The following MACROD2 variants were observed in gnomAD, a reference collection of about 807,000 sequenced individuals.
The protein encoded by MACROD2 is ADP-ribose glycohydrolase MACROD2.
MACROD2 carries 36 observed loss-of-function variants against 70.4 expected under a neutral mutation model. That is an observed-to-expected ratio of 0.51 (90% CI 0.39 to 0.68). The LOEUF is 0.68. Ranked by LOEUF, MACROD2 falls within the 30% of genes least tolerant of loss-of-function variation. The pLI is 0.00. For synonymous variants in MACROD2, 172 were observed against 178.8 expected (o/e 0.96, Z 0.30); for missense variants, 496 against 538.4 (o/e 0.92, Z 0.78).
chr20:15,717,116 C>T (rs189582331), intron 8 of MACROD2, among the ~76,000 whole-genome samples: 211 of 152,288 alleles, frequency 1.4e-3, no homozygotes, highest in African/African-American at 4.0e-3. Flanking sequence ...TTGTTTGTTA[C>T]ATCCCTTTAG....
intron 3 of MACROD2, among the ~76,000 whole-genome samples, chr20:14,308,455 G>A (rs373486787): frequency 2.3e-4 from 35 of 152,090 alleles, no homozygotes; most frequent in African/African-American, 8.0e-4. Context: ...CTGTGAGGGT[G>A]TTATTATTTT....
At chr20:14,960,681 G>A (rs184684583) in intron 5 of MACROD2, among the ~76,000 whole-genome samples, 18 of 152,152 alleles carry the variant, frequency 1.2e-4, no homozygotes, top group Admixed American at 1.0e-3. Flanking sequence ...CGAATTCAGG[G>A]GAAGAACAGG....
chr20:14,914,312 CTA>C (rs1457910319), intron 5 of MACROD2, among the ~76,000 whole-genome samples: 3 of 152,114 alleles, frequency 2.0e-5, no homozygotes, highest in African/African-American at 7.2e-5. Context: ...TGCTCACAGT[CTA>C]TGTCAATGAG....
At chr20:15,432,557 C>A (rs1444139471) in intron 7 of MACROD2, among the ~76,000 whole-genome samples, 2 of 152,004 alleles carry the variant, frequency 1.3e-5, no homozygotes, top group Admixed American at 1.3e-4. Context: ...CAATAACAAA[C>A]CTTAAATATT....
intron 9 of MACROD2, among the ~76,000 whole-genome samples, chr20:15,879,308 T>A (rs1393414877): frequency 6.6e-6 from 1 of 152,142 alleles, no homozygotes; most frequent in Non-Finnish European, 1.5e-5. Flanking sequence ...CATGACTCCC[T>A]ACTTCCATAG....
At chr20:15,550,594 A>C (rs2048082405) in intron 8 of MACROD2, among the ~76,000 whole-genome samples, 1 of 152,152 alleles carries the variant, frequency 6.6e-6, no homozygotes, top group Admixed American at 6.5e-5. Context: ...AGCAATCAAG[A>C]AGTGACACTC....
At chr20:15,348,843 C>A (rs2078195910) in intron 6 of MACROD2, among the ~76,000 whole-genome samples, 2 of 151,994 alleles carry the variant, frequency 1.3e-5, no homozygotes, top group Admixed American at 6.6e-5. Flanking sequence ...ATGGGAGCTA[C>A]AATTCAAGAT....
At chr20:14,671,091 A>G (rs981589717) in intron 4 of MACROD2, among the ~76,000 whole-genome samples, 4 of 152,186 alleles carry the variant, frequency 2.6e-5, no homozygotes, top group Admixed American at 2.0e-4. Flanking sequence ...TAAATTGGGC[A>G]TATAGCCTGC....
chr20:15,541,974 A>G (rs2047963105), intron 8 of MACROD2, among the ~76,000 whole-genome samples: 1 of 152,224 alleles, frequency 6.6e-6, no homozygotes, highest in African/African-American at 2.4e-5. Context: ...CTGTTCTTCC[A>G]GTGGTATGGG....
intron 8 of MACROD2, among the ~76,000 whole-genome samples, chr20:15,663,583 T>C (rs1342788829): frequency 6.6e-6 from 1 of 150,862 alleles, no homozygotes; most frequent in East Asian, 1.9e-4. Flanking sequence ...TTTCAAAACT[T>C]AAAACAATTA....
At chr20:14,305,180 T>A (rs553982691) in intron 3 of MACROD2, among the ~76,000 whole-genome samples, 50 of 152,242 alleles carry the variant, frequency 3.3e-4, no homozygotes, top group African/African-American at 1.2e-3. Context: ...GGTTTTAAGC[T>A]CAAATGATCA....
chr20:14,467,695 G>C (rs998939634), intron 3 of MACROD2, among the ~76,000 whole-genome samples: 2 of 152,090 alleles, frequency 1.3e-5, no homozygotes. Context: ...TCTTTTAATA[G>C]TGATGTTAGG....
At chr20:14,788,603 CTT>C (rs1464626543) in intron 5 of MACROD2, among the ~76,000 whole-genome samples, 2 of 140,166 alleles carry the variant, frequency 1.4e-5, no homozygotes, top group African/African-American at 2.6e-5. Context: ...AAAAAAAAGA[CTT>C]TTAGGAAAGA....
At chr20:15,122,973 G>A (rs2076041499) in intron 5 of MACROD2, among the ~76,000 whole-genome samples, 1 of 152,160 alleles carries the variant, frequency 6.6e-6, no homozygotes, top group Non-Finnish European at 1.5e-5. Flanking sequence ...TGTTTATGGT[G>A]AGTCCATGTC....
At chr20:15,881,846 T>C (rs1011648798) in intron 9 of MACROD2, among the ~76,000 whole-genome samples, 3 of 152,138 alleles carry the variant, frequency 2.0e-5, no homozygotes, top group Non-Finnish European at 4.4e-5. Flanking sequence ...CAAGAACATC[T>C]TGTGAGGTTA....
intron 7 of MACROD2, among the ~76,000 whole-genome samples, chr20:15,433,752 C>CAAAAAA (rs140272189): frequency 6.8e-6 from 1 of 147,274 alleles, no homozygotes; most frequent in African/African-American, 2.5e-5. Flanking sequence ...TAATATTAAG[C>CAAAAAA]AAAAAAAAAA....
At chr20:14,955,258 T>TATA (rs1296445763) in intron 5 of MACROD2, among the ~76,000 whole-genome samples, 3 of 138,568 alleles carry the variant, frequency 2.2e-5, no homozygotes, top group Admixed American at 7.9e-5. Flanking sequence ...ATTTATATAA[T>TATA]ATAATATAAT....
intron 10 of MACROD2, among the ~76,000 whole-genome samples, chr20:15,894,724 G>A (rs1324224232): frequency 6.6e-6 from 1 of 152,220 alleles, no homozygotes; most frequent in Non-Finnish European, 1.5e-5. Flanking sequence ...GATGGCTGTT[G>A]TTATCAATAT....
Position 15,150,199 on chromosome 20 carries a change from G to T in MACROD2, c.419-79741G>T, listed in dbSNP as rs541047343. On this transcript the variant is annotated intron_variant, in intron 5 of 17. Coordinates refer to ENST00000684519, the MANE Select transcript of MACROD2 (RefSeq NM_001351661.2). ...TGGAGGCTATCTGTGAGGGCTTGCA[G>T]CAGTACAGCCCAGGTAATTTGCTGA... Among the ~76,000 whole-genome samples, 9 of 152,152 alleles carry T rather than the reference G, an allele frequency of 5.9e-5. No homozygotes were observed. The South Asian group carries it at 1.9e-3, about 32-fold the overall frequency.
Sources: gnomAD v4.1 joint callset for allele counts (sites outside exome capture counted in the v4.1 genomes callset) on GRCh38, gnomAD v4.1.1 for gene constraint, MANE v1.5 for transcripts, NCBI Gene and HGNC (gene_info 2026-07-23, HGNC 2026-07-21) for gene names.